CCDC171: variants seen among roughly 807,000 people sequenced by gnomAD.
The protein encoded by CCDC171 is coiled-coil domain containing 171.
CCDC171 carries 177 observed loss-of-function variants against 168.2 expected under a neutral mutation model. The observed-to-expected ratio is 1.05, with a 90% CI of 0.93 to 1.19. The LOEUF is 1.19. Ranked by LOEUF, CCDC171 falls within the 50% of genes most tolerant of loss-of-function variation. The pLI, the probability that CCDC171 is intolerant of heterozygous loss-of-function variation, is 0.00. For synonymous variants in CCDC171, 687 were observed against 540.8 expected, an observed-to-expected ratio of 1.27 and a Z score of -3.75; for missense variants, 1,991 against 1,539.0, an observed-to-expected ratio of 1.29 and a Z score of -4.91.
chr9:16,016,107 T>G (rs1453463239), intron 3 of CCDC171, among the ~76,000 whole-genome samples: 1 of 152,222 alleles, frequency 6.6e-6, no homozygotes, highest in Admixed American at 6.5e-5. Context: ...CCTGCTTTCA[T>G]TTCTTTGGGG....
At chr9:15,554,876 A>C (rs1041410114) in intron 1 of CCDC171, among the ~76,000 whole-genome samples, 1 of 152,172 alleles carries the variant, frequency 6.6e-6, no homozygotes, top group Admixed American at 6.6e-5. Context: ...GCATAATCTC[A>C]TAGAGATGTT....
At chr9:15,778,360 C>T (rs997222559) in intron 19 of CCDC171, among the ~76,000 whole-genome samples, 1 of 130,746 alleles carries the variant, frequency 7.6e-6, no homozygotes, top group Non-Finnish European at 1.6e-5. Flanking sequence ...AATCACTGGC[C>T]AGGCGCGGTG....
the CCDC171 span, among the ~76,000 whole-genome samples, chr9:16,094,895 A>G: frequency 1.3e-5 from 2 of 152,142 alleles, no homozygotes; most frequent in African/African-American, 4.8e-5. Context: ...GATGGAGGTG[A>G]TTGGATCCTG....
intron 3 of CCDC171, among the ~76,000 whole-genome samples, chr9:15,999,155 G>A (rs921345556): frequency 6.6e-6 from 1 of 151,138 alleles, no homozygotes; most frequent in African/African-American, 2.4e-5. Context: ...AGGCTGCCAT[G>A]AGCTATGATT....
chr9:15,903,280 C>A (rs1450828713), intron 24 of CCDC171, among the ~76,000 whole-genome samples: 7 of 152,162 alleles, frequency 4.6e-5, no homozygotes, highest in Admixed American at 4.6e-4. Flanking sequence ...GAGGCACCCC[C>A]CTAGTAGGGG....
At chr9:16,006,421 G>A (rs1158903634) in intron 3 of CCDC171, among the ~76,000 whole-genome samples, 3 of 151,968 alleles carry the variant, frequency 2.0e-5, no homozygotes, top group Non-Finnish European at 4.4e-5. Context: ...CAGATTCTTT[G>A]CCCATTTTCT....
At chr9:15,800,442 AT>A (rs750571940) in intron 21 of CCDC171, among the ~76,000 whole-genome samples, 1 of 152,030 alleles carries the variant, frequency 6.6e-6, no homozygotes, top group Non-Finnish European at 1.5e-5. Context: ...TCTTTTGCCC[AT>A]TTTAAAATCA....
At chr9:15,892,846 A>T (rs911787828) in intron 24 of CCDC171, among the ~76,000 whole-genome samples, 6 of 152,202 alleles carry the variant, frequency 3.9e-5, no homozygotes, top group African/African-American at 1.4e-4. Context: ...ATATTGTGAA[A>T]ATGGCCTTAC....
intron 18 of CCDC171, among the ~76,000 whole-genome samples, chr9:15,761,664 A>AT (rs1230629002): frequency 6.6e-6 from 1 of 151,800 alleles, no homozygotes; most frequent in African/African-American, 2.4e-5. Context: ...TGTGTATGGG[A>AT]TTTTGTTATT....
intron 3 of CCDC171, among the ~76,000 whole-genome samples, chr9:15,983,966 C>T (rs755324617): frequency 2.6e-5 from 4 of 152,106 alleles, no homozygotes; most frequent in Non-Finnish European, 5.9e-5. Context: ...CCCACCAGAA[C>T]CATTGAGGCA....
chr9:15,865,487 A>G (rs1322703521), intron 23 of CCDC171, among the ~76,000 whole-genome samples: 1 of 151,792 alleles, frequency 6.6e-6, no homozygotes, highest in East Asian at 1.9e-4. Context: ...TCTGCCATCC[A>G]TGAGACAGCA....
At chr9:15,866,733 C>T (rs2061803970) in intron 23 of CCDC171, among the ~76,000 whole-genome samples, 1 of 151,916 alleles carries the variant, frequency 6.6e-6, no homozygotes. Flanking sequence ...ACAGGAGAAA[C>T]AAGACATTAT....
At chr9:15,672,427 A>C (rs1013066485) in intron 9 of CCDC171, among the ~76,000 whole-genome samples, 1 of 152,292 alleles carries the variant, frequency 6.6e-6, no homozygotes, top group African/African-American at 2.4e-5. Context: ...GTCTTTGCTC[A>C]TGCCTATGTC....
intron 16 of CCDC171, among the ~76,000 whole-genome samples, chr9:15,734,228 A>C (rs2054336601): frequency 1.3e-5 from 2 of 152,198 alleles, no homozygotes; most frequent in African/African-American, 4.8e-5. Flanking sequence ...ATTATCTGTA[A>C]AAGTACATTA....
chr9:15,834,420 A>G (rs2060355816), intron 21 of CCDC171, among the ~76,000 whole-genome samples: 1 of 152,224 alleles, frequency 6.6e-6, no homozygotes. Flanking sequence ...TATAGAAAAC[A>G]TTTAATTAAC....
intron 23 of CCDC171, among the ~76,000 whole-genome samples, chr9:15,864,892 C>G (rs569738018): frequency 1.3e-5 from 2 of 152,128 alleles, no homozygotes; most frequent in South Asian, 4.1e-4. Flanking sequence ...AGTAGAATGG[C>G]TGCATTCTTG....
chr9:16,107,596 C>A, the CCDC171 span, among the ~76,000 whole-genome samples: 1 of 151,902 alleles, frequency 6.6e-6, no homozygotes, highest in Non-Finnish European at 1.5e-5. Context: ...CCCATTTGTA[C>A]GTACACATAT....
intron 25 of CCDC171, among the ~76,000 whole-genome samples, chr9:15,958,872 A>G (rs1012166877): frequency 2.0e-5 from 3 of 152,148 alleles, no homozygotes; most frequent in African/African-American, 7.2e-5. Context: ...CCGAAATCAC[A>G]TGGTTTGTGG....
intron 9 of CCDC171, among the ~76,000 whole-genome samples, chr9:15,677,392 C>G (rs1044382061): frequency 1.3e-5 from 2 of 151,968 alleles, no homozygotes; most frequent in African/African-American, 2.4e-5. Flanking sequence ...GTGTTCCACC[C>G]CAGAGAAAAT....
Sources: allele counts gnomAD v4.1 joint callset (sites outside exome capture counted in the v4.1 genomes callset), GRCh38; gene constraint gnomAD v4.1.1; transcripts MANE v1.5; gene names NCBI Gene and HGNC (gene_info 2026-07-23, HGNC 2026-07-21).